The following PDE4B variants were observed in gnomAD, a reference collection of about 807,000 sequenced individuals.
The protein encoded by PDE4B is 3',5'-cyclic-AMP phosphodiesterase 4B.
Under a neutral mutation model 82.2 loss-of-function variants are expected in PDE4B, and 20 were observed. The ratio of observed to expected loss-of-function variants is 0.24; its 90% CI spans 0.17 to 0.35. The LOEUF (loss-of-function observed/expected upper bound fraction) is 0.35, where lower values mean the gene tolerates loss of function less well. PDE4B is among the 10% of genes least tolerant of loss of function. The pLI, the probability that PDE4B is intolerant of heterozygous loss-of-function variation, is 1.00. For synonymous variants in PDE4B, 320 were observed against 318.9 expected (o/e 1.00, Z -0.04); for missense variants, 655 against 907.2 (o/e 0.72, Z 3.57).
intron 4 of PDE4B, chr1:66,257,242 T>C: frequency 4.6e-6 from 1 of 217,694 alleles, no homozygotes; most frequent in Admixed American, 5.2e-5. Context: ...AGTTAACCTT[T>C]ATCCAGACTG....
chr1:66,359,354 A>G (rs1662569158), intron 9 of PDE4B, among the ~76,000 whole-genome samples: 1 of 152,214 alleles, frequency 6.6e-6, no homozygotes, highest in Admixed American at 6.5e-5. Context: ...CTGTATTCTG[A>G]CTATTCCATA....
chr1:66,314,525 A>G (rs929475027), intron 7 of PDE4B, among the ~76,000 whole-genome samples: 14 of 151,682 alleles, frequency 9.2e-5, no homozygotes, highest in African/African-American at 2.9e-4. Flanking sequence ...CAATTCTCCT[A>G]CCTCAGTCTA....
chr1:65,819,594 C>T (rs2101235123), intron 1 of PDE4B, among the ~76,000 whole-genome samples: 1 of 151,712 alleles, frequency 6.6e-6, no homozygotes. Flanking sequence ...CTCCGCCTCC[C>T]GGGTTCACGC....
At chr1:66,304,635 G>A (rs1438156201) in intron 7 of PDE4B, among the ~76,000 whole-genome samples, 2 of 152,080 alleles carry the variant, frequency 1.3e-5, no homozygotes, top group Non-Finnish European at 2.9e-5. Context: ...ATGACATAGA[G>A]GGGTCATATC....
intron 3 of PDE4B, among the ~76,000 whole-genome samples, chr1:66,239,708 C>G (rs1404830182): frequency 6.6e-6 from 1 of 152,002 alleles, no homozygotes. Flanking sequence ...GGGAAATTAC[C>G]AAAGAATCAC....
chr1:66,057,559 G>A (rs1655368087), intron 3 of PDE4B, among the ~76,000 whole-genome samples: 1 of 152,154 alleles, frequency 6.6e-6, no homozygotes, highest in Non-Finnish European at 1.5e-5. Flanking sequence ...AGGTTTATTG[G>A]ACTTACAGTT....
At chr1:66,172,583 T>TACCAA (rs1646857708) in intron 3 of PDE4B, among the ~76,000 whole-genome samples, 1 of 152,226 alleles carries the variant, frequency 6.6e-6, no homozygotes, top group Admixed American at 6.5e-5. Context: ...ATATAAGTGT[T>TACCAA]CCCTTTTCTC....
At chr1:66,282,346 G>A (rs137899093) in intron 7 of PDE4B, among the ~76,000 whole-genome samples, 32 of 152,304 alleles carry the variant, frequency 2.1e-4, no homozygotes, top group African/African-American at 7.5e-4. Flanking sequence ...TCCTGGCAGG[G>A]AAAAGAGGCA....
intron 3 of PDE4B, among the ~76,000 whole-genome samples, chr1:65,994,590 T>C (rs981702953): frequency 1.3e-5 from 2 of 152,142 alleles, no homozygotes; most frequent in African/African-American, 4.8e-5. Flanking sequence ...ACCCCTAACA[T>C]GTATGTATTT....
intron 3 of PDE4B, among the ~76,000 whole-genome samples, chr1:66,100,876 C>G (rs959278486): frequency 2.0e-5 from 3 of 152,044 alleles, no homozygotes; most frequent in Admixed American, 2.0e-4. Flanking sequence ...TACATGTGCA[C>G]AACGTGCAGG....
chr1:66,317,632 C>T (rs772492369), intron 7 of PDE4B, among the ~76,000 whole-genome samples: 1 of 152,036 alleles, frequency 6.6e-6, no homozygotes, highest in African/African-American at 2.4e-5. Context: ...TGCAGTGCCT[C>T]ACACCTGTAA....
At chr1:65,838,946 G>A (rs1439198267) in intron 1 of PDE4B, among the ~76,000 whole-genome samples, 1 of 152,110 alleles carries the variant, frequency 6.6e-6, no homozygotes, top group Admixed American at 6.6e-5. Flanking sequence ...AAGCTAGTAA[G>A]TGTTTTGTAT....
chr1:66,103,459 A>G (rs1645266307), intron 3 of PDE4B, among the ~76,000 whole-genome samples: 1 of 152,152 alleles, frequency 6.6e-6, no homozygotes, highest in South Asian at 2.1e-4. Context: ...AAATGGTCTT[A>G]GAGTTTCTCT....
chr1:66,122,636 C>T (rs1026420413), intron 3 of PDE4B, among the ~76,000 whole-genome samples: 1 of 150,528 alleles, frequency 6.6e-6, no homozygotes. Flanking sequence ...AGGAACATGA[C>T]ATATTTTATG....
At chr1:66,046,240 A>G (rs1190978825) in intron 3 of PDE4B, 1 of 151,768 alleles carries the variant, frequency 6.6e-6, no homozygotes, top group Non-Finnish European at 1.5e-5. Context: ...AGCAGCAGGA[A>G]CAGATGCAGA....
At chr1:66,100,725 C>T (rs1449036880) in intron 3 of PDE4B, among the ~76,000 whole-genome samples, 1 of 152,080 alleles carries the variant, frequency 6.6e-6, no homozygotes, top group South Asian at 2.1e-4. Flanking sequence ...ATAAAGATGC[C>T]TAATGCCTTT....
intron 7 of PDE4B, among the ~76,000 whole-genome samples, chr1:66,321,181 T>C (rs1659379701): frequency 6.6e-6 from 1 of 152,220 alleles, no homozygotes; most frequent in African/African-American, 2.4e-5. Context: ...TTCATTGGAC[T>C]CTGATTTGCC....
intron 3 of PDE4B, among the ~76,000 whole-genome samples, chr1:66,149,935 G>C (rs115966180): frequency 2.2e-3 from 341 of 152,248 alleles, no homozygotes; most frequent in African/African-American, 8.1e-3. Context: ...TTAATATGTT[G>C]TAAGGTAGGA....
At chr1:66,035,929 C>T (rs536311359) in intron 3 of PDE4B, among the ~76,000 whole-genome samples, 15 of 152,228 alleles carry the variant, frequency 9.9e-5, no homozygotes, top group Admixed American at 9.1e-4. Flanking sequence ...ATGCTAGTTT[C>T]CAAAGTGGCT....
Sources: allele counts gnomAD v4.1 joint callset (sites outside exome capture counted in the v4.1 genomes callset), GRCh38; gene constraint gnomAD v4.1.1; transcripts MANE v1.5; gene names NCBI Gene and HGNC (gene_info 2026-07-23, HGNC 2026-07-21).